PUM2: variants seen among roughly 807,000 people sequenced by gnomAD.
PUM2 encodes pumilio RNA binding family member 2, also known as pumilio homolog 2.
Under a neutral mutation model 124.5 loss-of-function variants are expected in PUM2, and 57 were observed. The observed-to-expected ratio is 0.46, with a 90% CI of 0.37 to 0.57. PUM2 has a LOEUF of 0.57. PUM2 is among the 20% of genes least tolerant of loss of function. The pLI, the probability that PUM2 is intolerant of heterozygous loss-of-function variation, is 0.00. For missense variants in PUM2, 1,065 were observed against 1,290.6 expected (o/e 0.83, Z 2.68); for synonymous variants, 460 against 446.1 (o/e 1.03, Z -0.39).
Position 20,311,640 on chromosome 2 carries a change from A to G in PUM2, c.372T>C (p.Asp124=). Residue 124 remains aspartate (D), a synonymous_variant, in exon 5 of 21, where the codon GAT becomes GAC. Transcript: ENST00000361078. ...CTTTTTGATCTCCTTTCTCAGGTCC[A>G]TCTGTTTCAGCATCTCTAGTGCCCT... ...GNFGTRDAET[D]GPEKGDQKGK... is the part of the protein sequence containing the mutation. 6.2e-7 allele frequency: 1 copy of G among 1,613,186 alleles called. No homozygotes were observed. Among genetic ancestry groups the G allele is most frequent in the Non-Finnish European group, 8.5e-7 (1 of 1,179,558 alleles).
chr2:20,312,050 A>G lies in PUM2; in HGVS notation c.348+186T>C, dbSNP rs905956204. On this transcript the variant is annotated intron_variant, in intron 4 of 20. Coordinates refer to ENST00000361078, the MANE Select transcript of PUM2 (RefSeq NM_015317.5). ...TTTTGTAACATGGTTCAGATTATAC[A>G]TATTTCCAATGGTTCTATCATTTCA... 3.3e-5 allele frequency among the ~76,000 whole-genome samples: 5 copies of G among 152,290 alleles called. No individual in the cohort carries two copies. In the South Asian group the frequency reaches 8.3e-4, roughly 25 times the overall value.
chr2:20,264,609 C>A (rs1322311558), intron 13 of PUM2, among the ~76,000 whole-genome samples: 1 of 151,454 alleles, frequency 6.6e-6, no homozygotes, highest in African/African-American at 2.4e-5. Flanking sequence ...TTGACAGTGT[C>A]CTTTTAAAAA....
At chr2:20,332,566 T>C (rs1375269917) in intron 1 of PUM2, among the ~76,000 whole-genome samples, 1 of 152,100 alleles carries the variant, frequency 6.6e-6, no homozygotes. Flanking sequence ...CAATACCATA[T>C]CCATATAAAC....
At chr2:20,311,795 C>CGA in intron 4 of PUM2, 132 bp from the exon 5 acceptor site, 1 of 1,067,952 alleles carries the variant, frequency 9.4e-7, no homozygotes. Flanking sequence ...ATTTCGTAGT[C>CGA]AATTAATTTA....
At chr2:20,314,192 G>T (rs578223368) in intron 3 of PUM2, among the ~76,000 whole-genome samples, 1 of 152,084 alleles carries the variant, frequency 6.6e-6, no homozygotes, top group East Asian at 1.9e-4. Flanking sequence ...ATAAACTTTC[G>T]ATTTGGCAGA....
intron 15 of PUM2, among the ~76,000 whole-genome samples, chr2:20,258,621 A>T (rs1050848865): frequency 1.5e-4 from 23 of 150,962 alleles, no homozygotes; most frequent in Non-Finnish European, 3.0e-4. Flanking sequence ...ACACTCTTTT[A>T]AAGTGAACAT....
At chr2:20,350,329 GC>G (rs1483864828) in intron 1 of PUM2, 24 of 409,704 alleles carry the variant, frequency 5.9e-5, no homozygotes, top group Non-Finnish European at 6.9e-5. Context: ...GGCGCCCCAC[GC>G]CCCCGAGGCG....
intron 7 of PUM2, among the ~76,000 whole-genome samples, chr2:20,305,056 G>A (rs767727192): frequency 6.6e-5 from 10 of 152,034 alleles, no homozygotes; most frequent in Admixed American, 1.3e-4. Context: ...GTTAAAATGT[G>A]GGGTCAATTT....
chr2:20,255,109 G>T (rs769238623), intron 18 of PUM2, 107 bp downstream of exon 18: 41 of 1,462,194 alleles, frequency 2.8e-5, no homozygotes, highest in Non-Finnish European at 9.3e-6. Context: ...ACAGCCTTTT[G>T]TCTCACTCTT....
intron 14 of PUM2, among the ~76,000 whole-genome samples, chr2:20,260,716 TAATC>T (rs980119033): frequency 6.6e-6 from 1 of 152,196 alleles, no homozygotes; most frequent in Non-Finnish European, 1.5e-5. Context: ...GGTTACATTA[TAATC>T]AATAAGAAAA....
At chr2:20,291,338 A>G (rs1038013556) in intron 9 of PUM2, among the ~76,000 whole-genome samples, 4 of 152,208 alleles carry the variant, frequency 2.6e-5, no homozygotes, top group Admixed American at 2.0e-4. Flanking sequence ...GAGCTAGTAC[A>G]TGGAAGGAGA....
chr2:20,324,380 T>C (rs1400166319), intron 2 of PUM2, among the ~76,000 whole-genome samples: 2 of 152,204 alleles, frequency 1.3e-5, no homozygotes, highest in Non-Finnish European at 2.9e-5. Context: ...GAGAGAGCAC[T>C]GCTTATCATA....
chr2:20,290,842 A>T, intron 9 of PUM2, 52 bp from the exon 10 acceptor site: 1 of 1,361,462 alleles, frequency 7.3e-7, no homozygotes, highest in Non-Finnish European at 9.8e-7. Context: ...ATAGATAAGT[A>T]AATTTATCTT....
chr2:20,342,906 G>A lies in PUM2; in HGVS notation c.-19+7691C>T, dbSNP rs573929656. ...ATCAAAAACACCACCAAACATCTAGGTAGAAATGTATGGAGAGAAACCAAA... is the reference window on the plus strand; with the variant it reads ...ATCAAAAACACCACCAAACATCTAGATAGAAATGTATGGAGAGAAACCAAA... On this transcript the variant is annotated intron_variant, in intron 1 of 20. Transcript: ENST00000361078. 1.8e-4 allele frequency among the ~76,000 whole-genome samples: 28 copies of A among 152,206 alleles called. No individual in the cohort carries two copies. The East Asian group carries it at 5.0e-3, about 27-fold the overall frequency.
chr2:20,306,833 C>T (rs962499433), intron 7 of PUM2, among the ~76,000 whole-genome samples: 2 of 151,800 alleles, frequency 1.3e-5, no homozygotes, highest in Non-Finnish European at 2.9e-5. Flanking sequence ...TCTCAAACTC[C>T]TGACCTCAGG....
intron 9 of PUM2, among the ~76,000 whole-genome samples, chr2:20,292,679 C>G (rs1376973100): frequency 6.6e-6 from 1 of 152,060 alleles, no homozygotes; most frequent in Non-Finnish European, 1.5e-5. Context: ...ACCTGTAATC[C>G]CAGCACTTTG....
At chr2:20,269,714 C>G (rs1315033682) in intron 13 of PUM2, among the ~76,000 whole-genome samples, 3 of 152,050 alleles carry the variant, frequency 2.0e-5, no homozygotes, top group African/African-American at 7.2e-5. Flanking sequence ...AATTACAAGC[C>G]AAGTGTTCTA....
chr2:20,256,321 C>A (rs2148442100), intron 16 of PUM2, 151 bp from the exon 17 acceptor site: 1 of 753,208 alleles, frequency 1.3e-6, no homozygotes. Flanking sequence ...AATATATTCA[C>A]AAATATTATT....
upstream of PUM2, chr2:20,350,946 G>C: frequency 8.1e-6 from 2 of 247,114 alleles, no homozygotes; most frequent in Non-Finnish European, 1.3e-5. Context: ...CCCTGCTCCC[G>C]CGCTGCCGCC....
Sources: gnomAD v4.1 joint callset for allele counts (sites outside exome capture counted in the v4.1 genomes callset) on GRCh38, gnomAD v4.1.1 for gene constraint, MANE v1.5 for transcripts, NCBI Gene and HGNC (gene_info 2026-07-23, HGNC 2026-07-21) for gene names.